Variants in SKIC3 observed in about 807,000 individuals in gnomAD.
SKIC3 encodes superkiller complex protein 3.
the SKIC3 span, among the ~76,000 whole-genome samples, chr5:95,487,691 T>A: frequency 1.3e-5 from 2 of 152,046 alleles, no homozygotes; most frequent in Admixed American, 1.3e-4. Context: ...GAAAAAGTGC[T>A]CCCCTACGAA....
At chr5:95,544,909 C>T in the SKIC3 span, among the ~76,000 whole-genome samples, 88 of 152,276 alleles carry the variant, frequency 5.8e-4, no homozygotes, top group Non-Finnish European at 1.0e-3. Flanking sequence ...TGTGATAAAG[C>T]GCCACAGGCA....
the SKIC3 span, among the ~76,000 whole-genome samples, chr5:95,546,352 C>CAAAAAAAAAAAAAAAAAAAA: frequency 7.3e-6 from 1 of 136,520 alleles, no homozygotes. Context: ...AAAAAAAAAA[C>CAAAAAAAAAAAAAAAAAAAA]AAAAAAAAAA....
At chr5:95,509,702 A>G in the SKIC3 span, 3 of 1,548,722 alleles carry the variant, frequency 1.9e-6, no homozygotes, top group Non-Finnish European at 2.7e-6. Flanking sequence ...AAAATGAGAA[A>G]TATCTTCATT....
At chr5:95,539,598 C>G in the SKIC3 span, among the ~76,000 whole-genome samples, 1 of 152,234 alleles carries the variant, frequency 6.6e-6, no homozygotes, top group East Asian at 1.9e-4. Context: ...AATCCCAACA[C>G]TTTGGGGGGC....
the SKIC3 span, among the ~76,000 whole-genome samples, chr5:95,546,333 C>T: frequency 6.9e-6 from 1 of 145,530 alleles, no homozygotes; most frequent in Non-Finnish European, 1.5e-5. Context: ...TCTTTTCCCA[C>T]CATGAGAAAA....
the SKIC3 span, among the ~76,000 whole-genome samples, chr5:95,538,455 A>G: frequency 6.6e-6 from 1 of 152,160 alleles, no homozygotes; most frequent in African/African-American, 2.4e-5. Context: ...TTCTGAATAA[A>G]CAAATTAATG....
the SKIC3 span, chr5:95,536,461 CT>C: frequency 4.1e-6 from 1 of 245,360 alleles, no homozygotes; most frequent in Non-Finnish European, 7.9e-6. Context: ...TTTACCATTC[CT>C]AAAAAATGCA....
chr5:95,506,987 T>C, the SKIC3 span: 20 of 1,613,358 alleles, frequency 1.2e-5, no homozygotes, highest in African/African-American at 5.3e-5. Context: ...CTTGGTCTTC[T>C]GCAGTCTGTA....
chr5:95,547,224 C>T, the SKIC3 span: 2 of 1,418,748 alleles, frequency 1.4e-6, no homozygotes, highest in South Asian at 1.2e-5. Flanking sequence ...CAAACTTAGC[C>T]ATCTGAAAAG....
At chr5:95,545,898 C>T in the SKIC3 span, among the ~76,000 whole-genome samples, 3 of 152,196 alleles carry the variant, frequency 2.0e-5, no homozygotes, top group Non-Finnish European at 4.4e-5. Context: ...ACACTACTCA[C>T]CCATCCAAAA....
At chr5:95,492,652 G>GAAGAAAAAAAAAA in the SKIC3 span, among the ~76,000 whole-genome samples, 3 of 48,838 alleles carry the variant, frequency 6.1e-5, no homozygotes, top group African/African-American at 4.3e-4. Flanking sequence ...AAAAAAAAAA[G>GAAGAAAAAAAAAA]AAAAAAAAAA....
At chr5:95,521,753 T>A in the SKIC3 span, among the ~76,000 whole-genome samples, 1 of 152,140 alleles carries the variant, frequency 6.6e-6, no homozygotes, top group Non-Finnish European at 1.5e-5. Context: ...ATGAATTAAT[T>A]ATCAAAATGT....
the SKIC3 span, among the ~76,000 whole-genome samples, chr5:95,534,480 A>G: frequency 4.6e-5 from 7 of 151,742 alleles, no homozygotes; most frequent in Non-Finnish European, 1.0e-4. Flanking sequence ...GCTTTTTCCT[A>G]TTCTTTCCCC....
the SKIC3 span, chr5:95,514,769 C>T: frequency 2.9e-6 from 4 of 1,394,630 alleles, no homozygotes; most frequent in African/African-American, 5.7e-5. Context: ...CAAATGCTAT[C>T]CGTTACCATT....
At chr5:95,487,937 T>G in the SKIC3 span, among the ~76,000 whole-genome samples, 1 of 151,776 alleles carries the variant, frequency 6.6e-6, no homozygotes, top group Non-Finnish European at 1.5e-5. Context: ...TACAAAGAAA[T>G]TAGAAAAAGC....
chr5:95,503,753 G>C, the SKIC3 span: 1,620 of 1,605,166 alleles, frequency 1.0e-3, 31 homozygotes, highest in South Asian at 0.016. Context: ...TTCTGTATGT[G>C]TGCTCATCAT....
chr5:95,482,781 C>G, the SKIC3 span: 4 of 803,164 alleles, frequency 5.0e-6, no homozygotes, highest in Admixed American at 8.1e-5. Flanking sequence ...ATTAAATAAA[C>G]AAAACAATGA....
chr5:95,511,304 A>T, the SKIC3 span, among the ~76,000 whole-genome samples: 1 of 152,174 alleles, frequency 6.6e-6, no homozygotes, highest in Non-Finnish European at 1.5e-5. Flanking sequence ...CTACCTGCTA[A>T]TCGGAAGGCT....
At chr5:95,497,223 A>G in the SKIC3 span, among the ~76,000 whole-genome samples, 1 of 152,210 alleles carries the variant, frequency 6.6e-6, no homozygotes, top group East Asian at 1.9e-4. Flanking sequence ...AACATCTAGA[A>G]CAGCACAACC....
Sources: allele counts gnomAD v4.1 joint callset (sites outside exome capture counted in the v4.1 genomes callset), GRCh38; gene constraint gnomAD v4.1.1; transcripts MANE v1.5; gene names NCBI Gene and HGNC (gene_info 2026-07-23, HGNC 2026-07-21).